The following LGMN variants were observed in gnomAD, a reference collection of about 807,000 sequenced individuals.
The protein encoded by LGMN is asparaginyl endopeptidase.
In LGMN, 36 loss-of-function variants were observed where a neutral mutation model predicts 56.8. The observed-to-expected ratio is 0.63, with a 90% CI of 0.49 to 0.84. The LOEUF (loss-of-function observed/expected upper bound fraction) is 0.84, where lower values mean the gene tolerates loss of function less well. Among genes scored for constraint, LGMN ranks in the 40% least tolerant of loss-of-function variants. LGMN has a pLI of 0.00. For synonymous variants in LGMN, 199 were observed against 210.1 expected (o/e 0.95, Z 0.46); for missense variants, 446 against 556.1 (o/e 0.80, Z 1.99).
rs201970703 is a variant in LGMN at position 92,718,770 on chromosome 14, G to A, written c.213C>T (p.Tyr71=). The change falls in exon 3 of 14, where the codon TAC becomes TAT. Residue 71 remains tyrosine, a synonymous_variant. Transcript: ENST00000334869. ...ACTCTTCAGAGTAAGCAATGTCATC[G>A]TACATCATCACAACGATCTGTTCGT... ...IPDEQIVVMM[Y]DDIAYSEDNP... is the part of the protein sequence containing the mutation. 4.8e-5 allele frequency: 77 copies of A among 1,611,760 alleles called. No individual in the cohort carries two copies. The Middle Eastern group carries it at 4.9e-4, about 10-fold the overall frequency.
At position 92,716,161 on chromosome 14, in the gene LGMN, T is replaced by C. The variant is rs766955177; in HGVS notation, c.379A>G (p.Ile127Val). ...LRGDAEAVKG[I>V]GSGKVLKSGP... Reference sequence around the variant, plus strand: ...CTCTTCAGGACTTTGCCGGATCCTATGCCCTTCACTGCTTCTGCATCGCCT... The same window carrying C: ...CTCTTCAGGACTTTGCCGGATCCTACGCCCTTCACTGCTTCTGCATCGCCT... Residue 127 changes from isoleucine (I) to valine (V), a missense_variant, in exon 5 of 14, where the codon ATA (isoleucine) becomes GTA (valine). Ile to Val is a conservative substitution (Grantham distance 29). Coordinates refer to ENST00000334869, the MANE Select transcript of LGMN (RefSeq NM_005606.7). 1.1e-4 allele frequency: 177 copies of C among 1,613,040 alleles called. No homozygotes were observed. The highest frequency in any genetic ancestry group is 1.5e-4 in the Non-Finnish European group (172 of 1,179,302).
intron 1 of LGMN, among the ~76,000 whole-genome samples, chr14:92,739,310 G>A (rs923366440): frequency 7.9e-5 from 12 of 152,112 alleles, no homozygotes; most frequent in Non-Finnish European, 1.2e-4. Context: ...GAACGACGCC[G>A]GCTAAACTAC....
At chr14:92,736,804 C>T (rs1434613277) in intron 1 of LGMN, among the ~76,000 whole-genome samples, 1 of 152,130 alleles carries the variant, frequency 6.6e-6, no homozygotes, top group Non-Finnish European at 1.5e-5. Context: ...CCTTGTTCAT[C>T]ATGGAGTCAC....
intron 2 of LGMN, among the ~76,000 whole-genome samples, chr14:92,731,869 C>G (rs1227548444): frequency 6.6e-6 from 1 of 152,178 alleles, no homozygotes; most frequent in East Asian, 1.9e-4. Flanking sequence ...TGAGGAACTG[C>G]CAGACTCTTT....
intron 2 of LGMN, 70 bp downstream of exon 2, chr14:92,732,579 T>C (rs548631813): frequency 3.9e-6 from 6 of 1,540,118 alleles, no homozygotes; most frequent in Non-Finnish European, 5.3e-6. Flanking sequence ...CTATTTAATA[T>C]TAACAGTGTC....
rs569206110 is a variant in LGMN, at chr14:92,705,659, ACT to A, written c.1191+822_1191+823del. Among the ~76,000 whole-genome samples, 11 of 151,740 alleles carry A rather than the reference ACT, an allele frequency of 7.2e-5. No individual in the cohort carries two copies. The East Asian group carries it at 2.1e-3, about 30-fold the overall frequency. On this transcript the variant is annotated intron_variant, in intron 12 of 13. Transcript: ENST00000334869. ...AACTTTTTTTTGGAGACAGAGTTTCACTCTGTCGCCCAGGCTGGAGTATAGTG... is the reference window on the plus strand; with the variant it reads ...AACTTTTTTTTGGAGACAGAGTTTCACTGTCGCCCAGGCTGGAGTATAGTG...
chr14:92,722,955 T>C (rs578185441), intron 2 of LGMN, among the ~76,000 whole-genome samples: 17 of 152,242 alleles, frequency 1.1e-4, no homozygotes, highest in African/African-American at 4.1e-4. Context: ...TACACTGCTA[T>C]GGTAATGTAA....
chr14:92,740,846 C>A (rs1595566107), intron 1 of LGMN, among the ~76,000 whole-genome samples: 1 of 152,180 alleles, frequency 6.6e-6, no homozygotes, highest in Non-Finnish European at 1.5e-5. Context: ...CGGACTTCAT[C>A]CCTGCTCAGG....
rs1353858199 is a variant in LGMN, at chr14:92,718,885, G to A, written c.139-41C>T. The A allele has an allele frequency of 3.3e-6, 5 of 1,511,928 alleles. No homozygotes were observed. The South Asian group carries it at 3.4e-5, about 10-fold the overall frequency. The allele number at this position is 1,511,928 out of a possible 1,614,324, so 93.7% of individuals were successfully genotyped here. A position where few individuals can be genotyped will look rare whatever the true frequency, so the allele number is the denominator to read the frequency against. On this transcript the variant is annotated intron_variant, in intron 2 of 13. Coordinates refer to ENST00000334869, the MANE Select transcript of LGMN (RefSeq NM_005606.7). ...TGGTGAAGTTTTAGATCTTGCCTGGGAGGCCAATTTTGGAGTTCTAAGGAG... is the reference window on the plus strand; with the variant it reads ...TGGTGAAGTTTTAGATCTTGCCTGGAAGGCCAATTTTGGAGTTCTAAGGAG...
At position 92,711,753 on chromosome 14, in the gene LGMN, A is replaced by G. The variant is rs1889789637; in HGVS notation, c.730-5T>C. ...GGTCTCTTTAGTCAGATCTTCCTGCAAAAAGTGAGACCATTAGAGACCTTT... is the reference window on the plus strand; with the variant it reads ...GGTCTCTTTAGTCAGATCTTCCTGCGAAAAGTGAGACCATTAGAGACCTTT... On this transcript the variant is annotated splice_region_variant and splice_polypyrimidine_tract_variant and intron_variant, in intron 9 of 13. Transcript: ENST00000334869. 1.2e-6 allele frequency: 2 copies of G among 1,614,082 alleles called. No individual in the cohort carries two copies. Among genetic ancestry groups the G allele is most frequent in the East Asian group, 4.5e-5 (2 of 44,886 alleles).
chr14:92,709,790 T>C lies in LGMN; in HGVS notation c.902A>G (p.His301Arg), dbSNP rs200248140. The C allele has an allele frequency of 2.5e-6, 4 of 1,613,928 alleles. No individual in the cohort carries two copies. The highest frequency in any genetic ancestry group is 4.5e-5 in the East Asian group (2 of 44,870). ...ATCAGGGCTGGGGGTGAGGTCAAGGTGTGTGACTGGAGGTAGGGGGACGGG... is the reference window on the plus strand; with the variant it reads ...ATCAGGGCTGGGGGTGAGGTCAAGGCGTGTGACTGGAGGTAGGGGGACGGG... ...SSPVPLPPVTHLDLTPSPDVP... is the reference protein window; with the variant it reads ...SSPVPLPPVTRLDLTPSPDVP... The change falls in exon 11 of 14, where the codon CAC becomes CGC. Residue 301 changes from histidine to arginine, a missense_variant. By Grantham distance (29) the His-to-Arg change is conservative. Transcript: ENST00000334869.
At chr14:92,723,139 C>T (rs941589392) in intron 2 of LGMN, among the ~76,000 whole-genome samples, 30 of 152,004 alleles carry the variant, frequency 2.0e-4, no homozygotes, top group African/African-American at 5.8e-4. Context: ...CTCCGCCTCC[C>T]GGGTGCAAGC....
chr14:92,729,198 C>T (rs934293372), intron 2 of LGMN, among the ~76,000 whole-genome samples: 1 of 150,592 alleles, frequency 6.6e-6, no homozygotes, highest in Admixed American at 6.6e-5. Flanking sequence ...GCACCTCTGC[C>T]CATCCTGGCC....
Position 92,711,949 on chromosome 14 carries a change from G to A in LGMN, c.617C>T (p.Ala206Val). The A allele has an allele frequency of 3.1e-6, 5 of 1,605,150 alleles. No individual in the cohort carries two copies. The highest frequency in any genetic ancestry group is 4.3e-6 in the Non-Finnish European group (5 of 1,171,844). ...NHLPDNINVY[A>V]TTAANPRESS... ...CTCTCTGGGGTTGGCAGCAGTAGTT[G>A]CATAAACTACGAGGAATTAAAGATG... is the stretch of plus-strand genomic sequence containing the variant. The change falls in exon 9 of 14, where the codon GCA becomes GTA. Residue 206 changes from alanine to valine, a missense_variant. Coordinates refer to ENST00000334869, the MANE Select transcript of LGMN (RefSeq NM_005606.7).
intron 4 of LGMN, 120 bp from the exon 5 acceptor site, chr14:92,716,341 A>C (rs949339718): frequency 1.3e-5 from 10 of 777,300 alleles, no homozygotes; most frequent in Non-Finnish European, 2.3e-5. Flanking sequence ...GCTTAACAGC[A>C]AACACTTTTG....
At chr14:92,738,105 C>T (rs1891384860) in intron 1 of LGMN, among the ~76,000 whole-genome samples, 1 of 152,122 alleles carries the variant, frequency 6.6e-6, no homozygotes, top group South Asian at 2.1e-4. Context: ...AAACGGTTGA[C>T]CTGACTGTGA....
At chr14:92,738,026 G>A (rs2140273544) in intron 1 of LGMN, among the ~76,000 whole-genome samples, 1 of 152,138 alleles carries the variant, frequency 6.6e-6, no homozygotes, top group Non-Finnish European at 1.5e-5. Flanking sequence ...CATTCCTCTG[G>A]GGGCAATGGT....
chr14:92,710,740 G>GAAA (rs1315018670), intron 10 of LGMN, among the ~76,000 whole-genome samples: 1 of 152,152 alleles, frequency 6.6e-6, no homozygotes, highest in Non-Finnish European at 1.5e-5. Flanking sequence ...CCAAGGCGGG[G>GAAA]CCCCCACATG....
intron 2 of LGMN, among the ~76,000 whole-genome samples, chr14:92,720,457 C>G (rs78086935): frequency 0.048 from 7,283 of 152,284 alleles, 242 homozygotes; most frequent in East Asian, 0.18. Context: ...CACCTGAGGT[C>G]TGGAGTTCGA....
Sources: allele counts gnomAD v4.1 joint callset (sites outside exome capture counted in the v4.1 genomes callset), GRCh38; gene constraint gnomAD v4.1.1; transcripts MANE v1.5; gene names NCBI Gene and HGNC (gene_info 2026-07-23, HGNC 2026-07-21).